FREM1: variants seen among roughly 807,000 people sequenced by gnomAD.
FREM1 encodes the protein FRAS1-related extracellular matrix protein 1.
Under a neutral mutation model 210.1 loss-of-function variants are expected in FREM1, and 220 were observed. That is an observed-to-expected ratio of 1.05 (90% confidence interval 0.94 to 1.17). The LOEUF (loss-of-function observed/expected upper bound fraction) is 1.17, where lower values mean the gene tolerates loss of function less well. FREM1 is among the 50% of genes most tolerant of loss of function. The pLI, the probability that FREM1 is intolerant of heterozygous loss-of-function variation, is 0.00. For missense variants in FREM1, 3,454 were observed against 2,675.5 expected (o/e 1.29, Z -6.42); for synonymous variants, 1,189 against 980.2 (o/e 1.21, Z -3.98).
chr9:14,804,447 T>C (rs1817973786), intron 19 of FREM1, among the ~76,000 whole-genome samples: 2 of 152,108 alleles, frequency 1.3e-5, no homozygotes, highest in African/African-American at 2.4e-5. Context: ...TAGCCGGGCG[T>C]GGTGGCGGGC....
intron 1 of FREM1, among the ~76,000 whole-genome samples, chr9:14,875,124 G>A (rs565270413): frequency 6.6e-6 from 1 of 152,234 alleles, no homozygotes; most frequent in Non-Finnish European, 1.5e-5. Context: ...GTCAACTTTG[G>A]TGAATCTGAC....
intron 10 of FREM1, among the ~76,000 whole-genome samples, chr9:14,839,600 T>C (rs1825271975): frequency 2.6e-5 from 4 of 152,224 alleles, no homozygotes; most frequent in Admixed American, 2.6e-4. Flanking sequence ...TAACTAGATC[T>C]ACAGAGTTTA....
At chr9:14,754,305 T>A (rs1466243183) in intron 29 of FREM1, among the ~76,000 whole-genome samples, 3 of 152,196 alleles carry the variant, frequency 2.0e-5, no homozygotes, top group Non-Finnish European at 4.4e-5. Context: ...TGTACCAGTG[T>A]GGGAGTAAAC....
At chr9:14,780,421 G>A (rs1005553537) in intron 24 of FREM1, among the ~76,000 whole-genome samples, 19 of 86,634 alleles carry the variant, frequency 2.2e-4, no homozygotes, top group African/African-American at 6.4e-4. Context: ...CATAAATAGC[G>A]CCAGCTCCTC....
chr9:14,790,321 T>C (rs1851081734), intron 22 of FREM1, among the ~76,000 whole-genome samples: 1 of 152,186 alleles, frequency 6.6e-6, no homozygotes, highest in African/African-American at 2.4e-5. Context: ...TTCTCTTTAA[T>C]ATGTTTATCC....
At chr9:14,813,406 A>G (rs1819748970) in intron 15 of FREM1, among the ~76,000 whole-genome samples, 1 of 152,192 alleles carries the variant, frequency 6.6e-6, no homozygotes, top group African/African-American at 2.4e-5. Context: ...AAACTCACAC[A>G]TATTCCAGAA....
chr9:14,828,697 T>C (rs540583126), intron 10 of FREM1, among the ~76,000 whole-genome samples: 1 of 152,002 alleles, frequency 6.6e-6, no homozygotes, highest in African/African-American at 2.4e-5. Flanking sequence ...AATTTATTTA[T>C]GGAAATAAAT....
chr9:14,758,687 T>A (rs1167722991), intron 28 of FREM1, among the ~76,000 whole-genome samples: 1 of 109,510 alleles, frequency 9.1e-6, no homozygotes, highest in African/African-American at 3.8e-5. Flanking sequence ...GGGGATGGGG[T>A]GGGGGGGAGT....
chr9:14,838,517 A>G (rs953770264), intron 10 of FREM1, among the ~76,000 whole-genome samples: 4 of 152,050 alleles, frequency 2.6e-5, no homozygotes, highest in Admixed American at 2.6e-4. Flanking sequence ...ACATACACAC[A>G]ATACTTGTTT....
chr9:14,812,199 G>T (rs919516262), intron 16 of FREM1, among the ~76,000 whole-genome samples: 1 of 152,194 alleles, frequency 6.6e-6, no homozygotes, highest in Non-Finnish European at 1.5e-5. Context: ...GATATCAGAT[G>T]TTGAATTAAT....
chr9:14,803,347 T>A (rs1281917682), intron 19 of FREM1, among the ~76,000 whole-genome samples: 3 of 67,224 alleles, frequency 4.5e-5, no homozygotes, highest in Non-Finnish European at 9.1e-5. Context: ...CCTCCTTCCT[T>A]CCTTTCTTCC....
intron 11 of FREM1, 104 bp downstream of exon 11, chr9:14,824,692 G>A (rs970022298): frequency 5.3e-6 from 4 of 758,498 alleles, no homozygotes; most frequent in Admixed American, 2.9e-5. Flanking sequence ...CTGACCAATG[G>A]AGCAAGTAAA....
chr9:14,762,890 C>G (rs1845757598), intron 27 of FREM1, among the ~76,000 whole-genome samples: 1 of 151,806 alleles, frequency 6.6e-6, no homozygotes, highest in Non-Finnish European at 1.5e-5. Context: ...GGAATTTTGC[C>G]TGCAAGAAGC....
chr9:14,880,845 T>C lies in FREM1; in HGVS notation c.-267-11601A>G, dbSNP rs145828594. On this transcript the variant is annotated intron_variant, in intron 1 of 36. Transcript: ENST00000380880. The stretch of plus-strand genomic sequence containing the variant: ...AGCAATCCTATCTCAGAGGTAAATA[T>C]GTCATCATGTAATTATGTTGCTTAA... 5.7e-3 allele frequency among the ~76,000 whole-genome samples: 864 copies of C among 152,322 alleles called. 11 individuals carry two copies. The highest frequency in any genetic ancestry group is 0.02 in the African/African-American group (811 of 41,572).
chr9:14,864,824 T>C (rs1368259372), intron 2 of FREM1, among the ~76,000 whole-genome samples: 2 of 152,216 alleles, frequency 1.3e-5, no homozygotes, highest in African/African-American at 4.8e-5. Context: ...GAGAAGACTT[T>C]ACCACTAATA....
intron 27 of FREM1, among the ~76,000 whole-genome samples, chr9:14,764,066 T>G (rs564699197): frequency 1.3e-5 from 2 of 152,302 alleles, no homozygotes; most frequent in African/African-American, 4.8e-5. Context: ...GGGAGATAAC[T>G]GAATCATGGG....
chr9:14,797,437 G>A, intron 21 of FREM1, 61 bp downstream of exon 21: 1 of 1,404,170 alleles, frequency 7.1e-7, no homozygotes, highest in Non-Finnish European at 9.8e-7. Context: ...CCTGTACCTA[G>A]TATTGTAGAT....
chr9:14,828,851 C>T (rs147627477), intron 10 of FREM1, among the ~76,000 whole-genome samples: 1 of 152,238 alleles, frequency 6.6e-6, no homozygotes, highest in East Asian at 1.9e-4. Flanking sequence ...TTCCATGAGG[C>T]CAGCATTACA....
intron 27 of FREM1, among the ~76,000 whole-genome samples, chr9:14,761,996 G>A (rs1237636597): frequency 6.6e-6 from 1 of 152,166 alleles, no homozygotes; most frequent in African/African-American, 2.4e-5. Context: ...TGCAGTACAG[G>A]AAAAAGCACA....
Sources: gnomAD v4.1 joint callset for allele counts (sites outside exome capture counted in the v4.1 genomes callset) on GRCh38, gnomAD v4.1.1 for gene constraint, MANE v1.5 for transcripts, NCBI Gene and HGNC (gene_info 2026-07-23, HGNC 2026-07-21) for gene names.